ATP11A: variants seen among roughly 807,000 people sequenced by gnomAD.
The protein encoded by ATP11A is ATPase phospholipid transporting 11A, also known as phospholipid-transporting ATPase IH.
Under a neutral mutation model 154.4 loss-of-function variants are expected in ATP11A, and 81 were observed. That is an observed-to-expected ratio of 0.52 (90% confidence interval 0.44 to 0.63). The LOEUF (loss-of-function observed/expected upper bound fraction) is 0.63, where lower values mean the gene tolerates loss of function less well. ATP11A is among the 30% of genes least tolerant of loss of function. ATP11A has a pLI of 0.00. For synonymous variants in ATP11A, 623 were observed against 585.9 expected (o/e 1.06, Z -0.91); for missense variants, 1,316 against 1,474.3 (o/e 0.89, Z 1.76).
chr13:112,691,825 G>A (rs1046167922), intron 1 of ATP11A, among the ~76,000 whole-genome samples: 4 of 152,044 alleles, frequency 2.6e-5, no homozygotes, highest in African/African-American at 9.7e-5. Context: ...AAAAACCTCG[G>A]AGAGTCAAGG....
chr13:112,800,372 T>C (rs868022006), intron 2 of ATP11A, among the ~76,000 whole-genome samples: 2 of 152,290 alleles, frequency 1.3e-5, no homozygotes, highest in Middle Eastern at 3.4e-3. Context: ...TGAACAGCCC[T>C]ACACCCATAA....
At chr13:112,726,259 GGA>G (rs1172772804) in intron 1 of ATP11A, among the ~76,000 whole-genome samples, 1 of 151,676 alleles carries the variant, frequency 6.6e-6, no homozygotes, top group Non-Finnish European at 1.5e-5. Flanking sequence ...GTGCGTGCAG[GGA>G]GAGGGGCCAG....
intron 18 of ATP11A, among the ~76,000 whole-genome samples, chr13:112,853,073 A>T (rs2079817835): frequency 6.6e-6 from 1 of 151,986 alleles, no homozygotes; most frequent in African/African-American, 2.4e-5. Flanking sequence ...TTTTTTAATT[A>T]GTCAAGCATG....
chr13:112,866,898 A>G (rs2080352699), intron 25 of ATP11A, among the ~76,000 whole-genome samples: 1 of 152,116 alleles, frequency 6.6e-6, no homozygotes, highest in Admixed American at 6.5e-5. Flanking sequence ...TAAAAGCTTT[A>G]AGTTTTCTAG....
At chr13:112,700,624 G>C (rs1442142385) in intron 1 of ATP11A, among the ~76,000 whole-genome samples, 1 of 152,226 alleles carries the variant, frequency 6.6e-6, no homozygotes, top group Non-Finnish European at 1.5e-5. Flanking sequence ...ACGCCCTCCT[G>C]GCCCAGTTCA....
chr13:112,839,988 T>C (rs548334698), intron 16 of ATP11A, among the ~76,000 whole-genome samples: 2 of 152,148 alleles, frequency 1.3e-5, no homozygotes, highest in East Asian at 3.9e-4. Context: ...TTGGGTAGTT[T>C]AACCCCCGGG....
At chr13:112,691,566 G>T (rs1885204142) in intron 1 of ATP11A, among the ~76,000 whole-genome samples, 1 of 151,612 alleles carries the variant, frequency 6.6e-6, no homozygotes, top group Non-Finnish European at 1.5e-5. Flanking sequence ...TGCACAAGAG[G>T]CTTCATTGTT....
Position 112,823,411 on chromosome 13 carries a change from T to G in ATP11A, c.790+2T>G. On this transcript the variant is annotated splice_donor_variant, in intron 9 of 29. Transcript: ENST00000375645. LOFTEE classifies it high-confidence loss of function. ...TGAAGAACACTGAGAAAATCTTTGG[T>G]AAATATTTAATTAATTATTAACCAT... is the stretch of plus-strand genomic sequence containing the variant. The G allele has an allele frequency of 6.2e-7, 1 of 1,607,880 alleles. No individual in the cohort carries two copies.
intron 1 of ATP11A, among the ~76,000 whole-genome samples, chr13:112,777,842 C>A (rs767773855): frequency 2.0e-5 from 3 of 152,178 alleles, no homozygotes; most frequent in Non-Finnish European, 4.4e-5. Flanking sequence ...GGAAGCCCTG[C>A]CGCTCCCTCC....
intron 1 of ATP11A, among the ~76,000 whole-genome samples, chr13:112,781,737 C>A (rs2077504247): frequency 7.8e-6 from 1 of 128,990 alleles, no homozygotes; most frequent in South Asian, 2.5e-4. Context: ...TATGGAGTAG[C>A]TGTTCTTTTA....
rs367845096 is a variant in ATP11A, at chr13:112,825,541, G to T, written c.984G>T (p.Trp328Cys). The T allele has an allele frequency of 6.2e-7, 1 of 1,613,906 alleles. No homozygotes were observed. Among genetic ancestry groups the T allele is most frequent in the Non-Finnish European group, 8.5e-7 (1 of 1,179,864 alleles). The change falls in exon 11 of 30, where the codon TGG becomes TGT. Residue 328 changes from tryptophan (W) to cysteine (C), a missense_variant. This residue lies in a region of ATP11A where 876 missense variants were observed against 1,006.8 expected (regional missense o/e 0.87). Coordinates refer to ENST00000375645, the MANE Select transcript of ATP11A (RefSeq NM_015205.3). ...WQSEPFRDEP[W>C]YNQKTESERQ... The stretch of plus-strand genomic sequence containing the variant: ...GTGAGCCCTTTCGGGATGAGCCGTG[G>T]TATAATCAGAAAACGGAGTCGGAAA...
chr13:112,825,944 C>T (rs2078922535), intron 11 of ATP11A, among the ~76,000 whole-genome samples: 1 of 152,220 alleles, frequency 6.6e-6, no homozygotes, highest in Non-Finnish European at 1.5e-5. Flanking sequence ...CAGTCCAGAG[C>T]AGGGCCATGT....
chr13:112,839,063 G>A (rs1332720909), intron 16 of ATP11A, among the ~76,000 whole-genome samples: 1 of 152,112 alleles, frequency 6.6e-6, no homozygotes, highest in African/African-American at 2.4e-5. Context: ...TTTTTTATAT[G>A]TCTGTACCTC....
intron 1 of ATP11A, among the ~76,000 whole-genome samples, chr13:112,761,651 C>T (rs565410151): frequency 8.6e-5 from 6 of 69,978 alleles, no homozygotes; most frequent in African/African-American, 2.6e-4. Flanking sequence ...GTCTTAGAAG[C>T]ACCCCTGAGG....
chr13:112,714,766 G>A, intron 1 of ATP11A, among the ~76,000 whole-genome samples: 2 of 152,174 alleles, frequency 1.3e-5, no homozygotes, highest in Non-Finnish European at 2.9e-5. Context: ...TGTGGATCAG[G>A]CTTTTAAGAT....
chr13:112,860,354 A>G lies in ATP11A; in HGVS notation c.2795A>G (p.Tyr932Cys), dbSNP rs1224230361. ...ISFTSLPILL[Y>C]SLMEQHVGID... Reference sequence around the variant, plus strand: ...TTCACCTCCCTCCCCATCCTCCTGTACAGCCTCATGGAGCAGCATGTTGGC... The same window carrying G: ...TTCACCTCCCTCCCCATCCTCCTGTGCAGCCTCATGGAGCAGCATGTTGGC... The change falls in exon 24 of 30, where the codon TAC becomes TGC. Residue 932 changes from tyrosine to cysteine, a missense_variant. Physicochemically the swap from Tyr to Cys is radical, Grantham distance 194 (BLOSUM62 -2). Transcript: ENST00000375645. 1.9e-6 allele frequency: 3 copies of G among 1,614,022 alleles called. No individual in the cohort carries two copies. The African/African-American group carries it at 4.0e-5, about 22-fold the overall frequency.
rs2080976602 is a variant in ATP11A, at chr13:112,886,076, C to G, written c.*4210C>G. 6.6e-6 allele frequency: 1 copy of G among 152,394 alleles called. No homozygotes were observed. Among genetic ancestry groups the G allele is most frequent in the South Asian group, 2.1e-4 (1 of 4,840 alleles). The allele number at this position is 152,394 out of a possible 1,614,324, so 9.4% of individuals were successfully genotyped here. A position where few individuals can be genotyped will look rare whatever the true frequency, so the allele number is the denominator to read the frequency against. On this transcript the variant is annotated 3_prime_UTR_variant, in exon 30 of 30. Transcript: ENST00000375645. The stretch of plus-strand genomic sequence containing the variant: ...CGTGCACGCGTCGGAGCACGGCCAG[C>G]CTTCCGCCACGAGCCAGCTGGGAAG...
At chr13:112,828,601 AAGGG>A (rs1330608991) in intron 12 of ATP11A, among the ~76,000 whole-genome samples, 9 of 146,708 alleles carry the variant, frequency 6.1e-5, no homozygotes, top group Non-Finnish European at 1.2e-4. Flanking sequence ...TGTTGAGTGC[AAGGG>A]AAAGCGCCCA....
At chr13:112,792,763 C>T (rs1168069225) in intron 2 of ATP11A, among the ~76,000 whole-genome samples, 2 of 152,218 alleles carry the variant, frequency 1.3e-5, no homozygotes, top group African/African-American at 4.8e-5. Flanking sequence ...GCACCCCCCA[C>T]GTGGGGAATC....
Sources: gnomAD v4.1 joint callset for allele counts (sites outside exome capture counted in the v4.1 genomes callset) on GRCh38, gnomAD v4.1.1 for gene constraint, gnomAD v4.1.1 regional missense constraint, MANE v1.5 for transcripts, NCBI Gene and HGNC (gene_info 2026-07-23, HGNC 2026-07-21) for gene names.